UBOX5: variants seen among roughly 807,000 people sequenced by gnomAD.
UBOX5 encodes the protein U-box domain containing 5, also known as RING finger protein 37.
In UBOX5, 28 loss-of-function variants were observed where a neutral mutation model predicts 39.0. The observed-to-expected ratio is 0.72, with a 90% confidence interval of 0.53 to 0.98. The LOEUF (loss-of-function observed/expected upper bound fraction) is 0.98, where lower values mean the gene tolerates loss of function less well. Among genes scored for constraint, UBOX5 ranks in the 50% least tolerant of loss-of-function variants. The probability of loss-of-function intolerance (pLI) is 0.00; values close to 1 mark genes in which losing one functional copy is unlikely to be tolerated. For missense variants in UBOX5, 585 were observed against 674.4 expected (o/e 0.87, Z 1.47); for synonymous variants, 283 against 275.5 (o/e 1.03, Z -0.27).
Position 3,110,263 on chromosome 20 carries a change from A to G in UBOX5, c.1469T>C (p.Phe490Ser). 6.2e-7 allele frequency: 1 copy of G among 1,614,134 alleles called. No individual in the cohort carries two copies. Among genetic ancestry groups the G allele is most frequent in the South Asian group, 1.1e-5 (1 of 91,074 alleles). Residue 490 changes from phenylalanine to serine, a missense_variant, in exon 5 of 5, where the codon TTT becomes TCT. By Grantham distance (155) the Phe-to-Ser change is radical. Coordinates refer to ENST00000217173, the MANE Select transcript of UBOX5 (RefSeq NM_014948.4). Reference sequence around the variant, plus strand: ...CGGCTCCTTTTTGAAGTAGGGAGAAAATACTCTTTTGCAGGAGGCACATTC... The same window carrying G: ...CGGCTCCTTTTTGAAGTAGGGAGAAGATACTCTTTTGCAGGAGGCACATTC... Reference protein sequence around the residue: ...GPECASCKRVFSPYFKKEPVY... With the variant: ...GPECASCKRVSSPYFKKEPVY...
intron 1 of UBOX5, among the ~76,000 whole-genome samples, chr20:3,132,243 G>T (rs564549071): frequency 6.6e-6 from 1 of 152,022 alleles, no homozygotes; most frequent in Non-Finnish European, 1.5e-5. Flanking sequence ...CCAGGAGGCA[G>T]AGGCTGCAGT....
chr20:3,115,964 A>G (rs2066290835), intron 3 of UBOX5, among the ~76,000 whole-genome samples: 1 of 151,978 alleles, frequency 6.6e-6, no homozygotes, highest in African/African-American at 2.4e-5. Flanking sequence ...GGGTTTCACC[A>G]TGTTGGCTAG....
chr20:3,146,084 G>A (rs2066559310), intron 1 of UBOX5, among the ~76,000 whole-genome samples: 1 of 151,350 alleles, frequency 6.6e-6, no homozygotes, highest in Non-Finnish European at 1.5e-5. Context: ...GCTCACACCT[G>A]TAATCCCAGC....
intron 1 of UBOX5, among the ~76,000 whole-genome samples, chr20:3,142,772 C>CAAAAAA (rs58907108): frequency 7.4e-4 from 57 of 77,444 alleles, no homozygotes; most frequent in Non-Finnish European, 8.6e-4. Context: ...AACTCTGTCT[C>CAAAAAA]AAAAAAAAAA....
At chr20:3,118,282 G>A (rs1056879077) in intron 3 of UBOX5, among the ~76,000 whole-genome samples, 4 of 152,002 alleles carry the variant, frequency 2.6e-5, no homozygotes, top group South Asian at 2.1e-4. Flanking sequence ...AGATCAGCTT[G>A]GCCAACATGA....
rs2066240813 is a variant in UBOX5, at chr20:3,110,042, G to A, written c.*64C>T. ...CTGGCCAGACCTCAGGGGTGCTGTG[G>A]CCCTGCTCCTGTTCCCCCTCAGCTC... On this transcript the variant is annotated 3_prime_UTR_variant, in exon 5 of 5. Coordinates refer to ENST00000217173, the MANE Select transcript of UBOX5 (RefSeq NM_014948.4). 1 of 1,586,906 alleles carries A rather than the reference G, an allele frequency of 6.3e-7. No individual in the cohort carries two copies.
chr20:3,159,412 CG>C lies in UBOX5; in HGVS notation c.-42+353del, dbSNP rs370321640. Among the ~76,000 whole-genome samples the C allele has an allele frequency of 1.2e-4, 19 of 152,286 alleles. No individual in the cohort carries two copies. In the East Asian group the frequency reaches 3.7e-3, roughly 29 times the overall value. ...ACAGAATCAGAATCTCTAAGCGATT[CG>C]CAGGCACATCAAAGTGTGATGAGAG... On this transcript the variant is annotated intron_variant, in intron 1 of 4. Coordinates refer to ENST00000217173, the MANE Select transcript of UBOX5 (RefSeq NM_014948.4).
intron 1 of UBOX5, among the ~76,000 whole-genome samples, chr20:3,133,132 G>A (rs1357522024): frequency 1.3e-5 from 2 of 152,150 alleles, no homozygotes; most frequent in Non-Finnish European, 2.9e-5. Context: ...ATATGTTTCT[G>A]TGGGAAACAG....
intron 1 of UBOX5, among the ~76,000 whole-genome samples, chr20:3,153,849 T>C (rs1568484027): frequency 6.6e-6 from 1 of 152,246 alleles, no homozygotes; most frequent in Non-Finnish European, 1.5e-5. Flanking sequence ...CCAGTGAGCA[T>C]TCCAAATTCA....
At chr20:3,147,891 T>A in intron 1 of UBOX5, 1 of 1,614,242 alleles carries the variant, frequency 6.2e-7, no homozygotes. Flanking sequence ...GTCAGGTGCA[T>A]GACACCTTGA....
chr20:3,124,831 G>A (rs2066366882), intron 1 of UBOX5, among the ~76,000 whole-genome samples: 1 of 150,172 alleles, frequency 6.7e-6, no homozygotes, highest in Admixed American at 6.6e-5. Flanking sequence ...GAAGTGAGGA[G>A]CGCCTCTGCC....
chr20:3,153,890 T>C (rs571032685), intron 1 of UBOX5, among the ~76,000 whole-genome samples: 1 of 152,248 alleles, frequency 6.6e-6, no homozygotes, highest in South Asian at 2.1e-4. Flanking sequence ...CTCCAATCAT[T>C]TTTTTTTCCT....
intron 4 of UBOX5, 125 bp downstream of exon 4, chr20:3,115,180 T>C: frequency 1.6e-6 from 2 of 1,265,404 alleles, no homozygotes; most frequent in Non-Finnish European, 1.1e-6. Context: ...AGGGTGGGTG[T>C]TGGAACTGAC....
Position 3,128,231 on chromosome 20 carries a change from C to T in UBOX5, c.-41-4825G>A, listed in dbSNP as rs573021143. On this transcript the variant is annotated intron_variant, in intron 1 of 4. Coordinates refer to ENST00000217173, the MANE Select transcript of UBOX5 (RefSeq NM_014948.4). ...CCAGAACTCATTTAGAGCAGCATTT[C>T]CCCCAGCTTCCCTGCCCAACTAGCA... is the stretch of plus-strand genomic sequence containing the variant. Among the ~76,000 whole-genome samples, 13 of 152,346 alleles carry T rather than the reference C, an allele frequency of 8.5e-5. No individual in the cohort carries two copies. The South Asian group carries it at 2.1e-3, about 24-fold the overall frequency.
At chr20:3,116,711 G>A (rs1426046338) in intron 3 of UBOX5, 4 of 152,152 alleles carry the variant, frequency 2.6e-5, no homozygotes, top group Admixed American at 1.3e-4. Flanking sequence ...AGAAATAAAC[G>A]TTAAGCATAG....
chr20:3,127,150 C>CTT (rs913706306), intron 1 of UBOX5, among the ~76,000 whole-genome samples: 7 of 152,060 alleles, frequency 4.6e-5, no homozygotes, highest in Admixed American at 6.6e-5. Flanking sequence ...ACTGAAAACA[C>CTT]CCCTCGCAGT....
chr20:3,140,419 A>G (rs929434608), intron 1 of UBOX5, among the ~76,000 whole-genome samples: 1 of 152,148 alleles, frequency 6.6e-6, no homozygotes, highest in Non-Finnish European at 1.5e-5. Flanking sequence ...CAAGATCTAC[A>G]AAGGTTTTTA....
Position 3,109,905 on chromosome 20 carries a change from C to T in UBOX5, c.*201G>A, listed in dbSNP as rs6115791. 1,706 of 656,402 alleles carry T rather than the reference C, an allele frequency of 2.6e-3. 24 individuals are homozygous for T. The African/African-American group carries it at 0.028, about 11-fold the overall frequency. 40.7% of individuals were successfully genotyped at this position (656,402 alleles called of 1,614,324 possible). The stretch of plus-strand genomic sequence containing the variant: ...AGGGAGGCAGGGACATCCCCCCGCC[C>T]TCTGGCCTATGGCTTTGTTGCCCTA... On this transcript the variant is annotated 3_prime_UTR_variant, in exon 5 of 5. Coordinates refer to ENST00000217173, the MANE Select transcript of UBOX5 (RefSeq NM_014948.4).
chr20:3,152,135 C>G (rs917688549), intron 1 of UBOX5, among the ~76,000 whole-genome samples: 1 of 136,258 alleles, frequency 7.3e-6, no homozygotes, highest in African/African-American at 2.7e-5. Flanking sequence ...ACCAAAAAAA[C>G]AGAGATAGCA....
Sources: gnomAD v4.1 joint callset for allele counts (sites outside exome capture counted in the v4.1 genomes callset) on GRCh38, gnomAD v4.1.1 for gene constraint, MANE v1.5 for transcripts, NCBI Gene and HGNC (gene_info 2026-07-23, HGNC 2026-07-21) for gene names.